Variants in MIPOL1 observed in about 807,000 individuals in gnomAD.
The protein encoded by MIPOL1 is mirror-image polydactyly 1, also known as mirror-image polydactyly gene 1 protein.
Under a neutral mutation model 60.9 loss-of-function variants are expected in MIPOL1, and 57 were observed. That is an observed-to-expected ratio of 0.94 (90% confidence interval 0.76 to 1.17). The LOEUF is 1.17. Ranked by LOEUF, MIPOL1 falls within the 50% of genes most tolerant of loss-of-function variation. MIPOL1 has a pLI of 0.00. For synonymous variants in MIPOL1, 179 were observed against 168.8 expected, an observed-to-expected ratio of 1.06 and a Z score of -0.47; for missense variants, 551 against 511.6, an observed-to-expected ratio of 1.08 and a Z score of -0.74.
In MIPOL1 at chr14:37,318,110, T is replaced by C. The variant is rs547936118; in HGVS notation, c.828+9591T>C. 6.6e-5 allele frequency among the ~76,000 whole-genome samples: 10 copies of C among 152,212 alleles called. No homozygotes were observed. In the South Asian group the frequency reaches 1.7e-3, roughly 25 times the overall value. ...GATAAAGCAGATTGAGATTAGGGAG[T>C]GCAGCATAAGCTAACAAACCCACTT... On this transcript the variant is annotated intron_variant, in intron 9 of 12. Coordinates refer to ENST00000684589, the MANE Select transcript of MIPOL1 (RefSeq NM_001388067.1).
At chr14:37,248,696 C>A (rs1973591697) in intron 3 of MIPOL1, among the ~76,000 whole-genome samples, 1 of 151,750 alleles carries the variant, frequency 6.6e-6, no homozygotes, top group South Asian at 2.1e-4. Context: ...AAGAAAAATC[C>A]ACCAGAGAAA....
At chr14:37,421,253 A>T (rs532479394) in intron 10 of MIPOL1, among the ~76,000 whole-genome samples, 17 of 152,308 alleles carry the variant, frequency 1.1e-4, no homozygotes, top group African/African-American at 3.6e-4. Context: ...GGTACCAAGT[A>T]AAAGACTTCA....
chr14:37,434,835 A>G (rs907567588), intron 11 of MIPOL1, among the ~76,000 whole-genome samples: 1 of 148,910 alleles, frequency 6.7e-6, no homozygotes, highest in African/African-American at 2.5e-5. Flanking sequence ...TACTGATTAA[A>G]CATGTTAATC....
Position 37,212,814 on chromosome 14 carries a change from G to A in MIPOL1, c.-199+14710G>A, listed in dbSNP as rs146586104. ...TCAGACCCTACATAGTCATAGTGGT[G>A]GTGGCCACAGGGATACTTATGTCAC... On this transcript the variant is annotated intron_variant, in intron 1 of 12. Coordinates refer to ENST00000684589, the MANE Select transcript of MIPOL1 (RefSeq NM_001388067.1). Among the ~76,000 whole-genome samples the A allele has an allele frequency of 4.1e-3, 626 of 152,254 alleles. 6 individuals are homozygous for A. The highest frequency in any genetic ancestry group is 0.014 in the African/African-American group (592 of 41,544).
chr14:37,541,900 C>T (rs577896658), intron 12 of MIPOL1, among the ~76,000 whole-genome samples: 2 of 152,300 alleles, frequency 1.3e-5, no homozygotes, highest in Admixed American at 1.3e-4. Flanking sequence ...TAGCATGTTT[C>T]TGTTTCTTTA....
chr14:37,442,085 T>G (rs1478131902), intron 11 of MIPOL1, among the ~76,000 whole-genome samples: 1 of 130,586 alleles, frequency 7.7e-6, no homozygotes, highest in Non-Finnish European at 1.6e-5. Context: ...TCTTTCTACT[T>G]TGTTGTGTGT....
chr14:37,428,385 G>A (rs2094002401), intron 11 of MIPOL1, among the ~76,000 whole-genome samples: 1 of 152,142 alleles, frequency 6.6e-6, no homozygotes, highest in Non-Finnish European at 1.5e-5. Flanking sequence ...GAGTCCAGGA[G>A]TTCAAGACCA....
intron 3 of MIPOL1, among the ~76,000 whole-genome samples, chr14:37,265,535 A>T (rs1241481551): frequency 6.6e-6 from 1 of 152,208 alleles, no homozygotes; most frequent in Non-Finnish European, 1.5e-5. Context: ...AACTTTTTAT[A>T]CAAATGTTTG....
intron 9 of MIPOL1, among the ~76,000 whole-genome samples, chr14:37,358,726 G>T (rs533703975): frequency 7.2e-5 from 11 of 152,234 alleles, no homozygotes; most frequent in African/African-American, 1.9e-4. Flanking sequence ...GTAGATTCTG[G>T]ATGTCAGCCC....
chr14:37,328,471 TG>T (rs1412281321), intron 9 of MIPOL1, among the ~76,000 whole-genome samples: 3 of 152,160 alleles, frequency 2.0e-5, no homozygotes, highest in Non-Finnish European at 2.9e-5. Context: ...TTTTATTATA[TG>T]TTACTACTTT....
At chr14:37,243,785 C>T (rs115427156) in intron 1 of MIPOL1, among the ~76,000 whole-genome samples, 211 of 152,070 alleles carry the variant, frequency 1.4e-3, no homozygotes, top group African/African-American at 4.7e-3. Flanking sequence ...GCTTCTCTGT[C>T]AAAAAGGCAT....
chr14:37,213,349 G>A lies in MIPOL1; in HGVS notation c.-199+15245G>A, dbSNP rs552553670. On this transcript the variant is annotated intron_variant, in intron 1 of 12. Transcript: ENST00000684589. ...CAGTGAAGGAATTTGAATTCTGTCA[G>A]ATACATTTAACAAAGATATGGAAAT... Among the ~76,000 whole-genome samples the A allele has an allele frequency of 2.6e-5, 4 of 152,272 alleles. No homozygotes were observed. In the East Asian group the frequency reaches 7.7e-4, roughly 29 times the overall value.
chr14:37,247,745 A>G, intron 2 of MIPOL1, 84 bp from the exon 3 acceptor site: 1 of 676,902 alleles, frequency 1.5e-6, no homozygotes, highest in Admixed American at 3.0e-5. Context: ...TATCCTGTAA[A>G]TTCTCTGTTA....
intron 1 of MIPOL1, among the ~76,000 whole-genome samples, chr14:37,209,295 A>T (rs964007314): frequency 6.6e-6 from 1 of 152,146 alleles, no homozygotes; most frequent in East Asian, 1.9e-4. Flanking sequence ...GCATTTGGCA[A>T]TTGTGTCATT....
intron 11 of MIPOL1, among the ~76,000 whole-genome samples, chr14:37,470,281 C>T (rs542415886): frequency 6.6e-6 from 1 of 152,064 alleles, no homozygotes; most frequent in East Asian, 1.9e-4. Flanking sequence ...AGTAAAAGGT[C>T]ATTAGTTATA....
chr14:37,302,725 A>T (rs8019673), intron 7 of MIPOL1, among the ~76,000 whole-genome samples: 141,784 of 151,266 alleles, frequency 0.94, 66,885 homozygotes, highest in East Asian at 1. Context: ...CTTTGCACCT[A>T]TGTCAAAAAT....
intron 10 of MIPOL1, among the ~76,000 whole-genome samples, chr14:37,416,260 A>G (rs1291533228): frequency 6.6e-6 from 1 of 152,202 alleles, no homozygotes; most frequent in Admixed American, 6.6e-5. Context: ...ACAGGTGATC[A>G]TTGAAATCCT....
chr14:37,532,606 G>A (rs568332560), intron 12 of MIPOL1, among the ~76,000 whole-genome samples: 133 of 151,954 alleles, frequency 8.8e-4, no homozygotes, highest in Non-Finnish European at 1.4e-3. Flanking sequence ...CTGTCTCCTG[G>A]TAAAATCCTC....
chr14:37,510,093 CAT>C (rs2095315243), intron 12 of MIPOL1, among the ~76,000 whole-genome samples: 2 of 151,548 alleles, frequency 1.3e-5, no homozygotes, highest in Non-Finnish European at 2.9e-5. Flanking sequence ...TGTGTAAATA[CAT>C]ATATGAACCA....
Sources: allele counts gnomAD v4.1 joint callset (sites outside exome capture counted in the v4.1 genomes callset), GRCh38; gene constraint gnomAD v4.1.1; transcripts MANE v1.5; gene names NCBI Gene and HGNC (gene_info 2026-07-23, HGNC 2026-07-21).